DPPA3: variants seen among roughly 807,000 people sequenced by gnomAD.
DPPA3 encodes developmental pluripotency associated 3.
A neutral mutation model predicts 15.6 loss-of-function variants in DPPA3; 9 were observed. That is an observed-to-expected ratio of 0.58 (90% CI 0.35 to 1.01). DPPA3 has a LOEUF of 1.01. Among genes scored for constraint, DPPA3 ranks in the 50% least tolerant of loss-of-function variants. The pLI is 0.02. For synonymous variants in DPPA3, 61 were observed against 70.9 expected (o/e 0.86, Z 0.70); for missense variants, 148 against 194.6 (o/e 0.76, Z 1.42).
rs1374855599 is a variant in DPPA3 at position 7,711,658 on chromosome 12, C to A, written c.82+6C>A. On this transcript the variant is annotated splice_donor_region_variant and intron_variant, in intron 1 of 3. Coordinates refer to ENST00000345088, the MANE Select transcript of DPPA3 (RefSeq NM_199286.4). ...AAATTCCCGGGACGATTCAGGTAAGCCAGATAATGCCCTTCTTGACTATCT... is the reference window on the plus strand; with the variant it reads ...AAATTCCCGGGACGATTCAGGTAAGACAGATAATGCCCTTCTTGACTATCT... 1 of 1,599,470 alleles carries A rather than the reference C, an allele frequency of 6.3e-7. No individual in the cohort carries two copies. The highest frequency in any genetic ancestry group is 2.3e-5 in the East Asian group (1 of 43,762).
intron 3 of DPPA3, among the ~76,000 whole-genome samples, chr12:7,716,533 C>T (rs1264111321): frequency 2.0e-5 from 3 of 152,184 alleles, no homozygotes; most frequent in East Asian, 1.9e-4. Context: ...AGCTGATGAA[C>T]TTACCCTGAC....
Position 7,715,304 on chromosome 12 carries a change from A to C in DPPA3, c.204A>C (p.Ala68=). ...TACTCCGTCGAGAGTCTGTAGGAGC[A>C]GCAGTCCTCAGGGAAATCGAAGATG... ...EALLRRESVG[A]AVLREIEDEW... is the part of the protein sequence containing the mutation. Residue 68 remains alanine, a synonymous_variant, in exon 2 of 4, where the codon GCA becomes GCC. Transcript: ENST00000345088. 2 of 1,614,090 alleles carry C rather than the reference A, an allele frequency of 1.2e-6. No homozygotes were observed. Among genetic ancestry groups the C allele is most frequent in the Non-Finnish European group, 1.7e-6 (2 of 1,179,948 alleles).
intron 3 of DPPA3, among the ~76,000 whole-genome samples, chr12:7,716,633 G>A (rs1311566731): frequency 1.3e-5 from 2 of 152,044 alleles, no homozygotes; most frequent in South Asian, 2.1e-4. Flanking sequence ...ATATCTTCAC[G>A]GTAGCACTGT....
chr12:7,715,153 A>C, intron 1 of DPPA3, 30 bp from the exon 2 acceptor site: 4 of 1,612,464 alleles, frequency 2.5e-6, no homozygotes, highest in Non-Finnish European at 2.5e-6. Context: ...AGATCCCCTT[A>C]ATGTAATGGC....
intron 1 of DPPA3, among the ~76,000 whole-genome samples, chr12:7,713,843 A>G (rs1233857386): frequency 6.6e-6 from 1 of 152,214 alleles, no homozygotes; most frequent in Non-Finnish European, 1.5e-5. Flanking sequence ...GGATCTCTTA[A>G]GTGTAAGTGA....
At chr12:7,712,970 G>A (rs1864360855) in intron 1 of DPPA3, among the ~76,000 whole-genome samples, 1 of 152,210 alleles carries the variant, frequency 6.6e-6, no homozygotes, top group African/African-American at 2.4e-5. Context: ...CCGTAAACGT[G>A]CTCCGTAATG....
At position 7,715,290 on chromosome 12, in the gene DPPA3, G is replaced by C. The variant is rs201681638; in HGVS notation, c.190G>C (p.Glu64Gln). 34 of 1,613,792 alleles carry C rather than the reference G, an allele frequency of 2.1e-5. No homozygotes were observed. In the African/African-American group the frequency reaches 3.9e-4, roughly 18 times the overall value. ...TCTATCGGAAGCTTTACTCCGTCGA[G>C]AGTCTGTAGGAGCAGCAGTCCTCAG... ...SPLSEALLRR[E>Q]SVGAAVLREI... Residue 64 changes from glutamate to glutamine, a missense_variant, in exon 2 of 4, where the codon GAG becomes CAG. Coordinates refer to ENST00000345088, the MANE Select transcript of DPPA3 (RefSeq NM_199286.4).
At position 7,715,261 on chromosome 12, in the gene DPPA3, C is replaced by G. The variant is rs189470689; in HGVS notation, c.161C>G (p.Ser54Cys). The change falls in exon 2 of 4, where the codon TCC becomes TGC. Residue 54 changes from serine to cysteine, a missense_variant. Ser to Cys is a moderately radical substitution (Grantham distance 112, BLOSUM62 -1). Transcript: ENST00000345088. ...ATCAACGCTAGTAGCGAATCTGTTT[C>G]CCCTCTATCGGAAGCTTTACTCCGT... ...LTINASSESV[S>C]PLSEALLRRE... 6.2e-7 allele frequency: 1 copy of G among 1,613,878 alleles called. No individual in the cohort carries two copies. The highest frequency in any genetic ancestry group is 1.7e-5 in the Admixed American group (1 of 60,000).
At chr12:7,712,117 G>A (rs757155417) in intron 1 of DPPA3, among the ~76,000 whole-genome samples, 1 of 138,602 alleles carries the variant, frequency 7.2e-6, no homozygotes, top group African/African-American at 2.7e-5. Flanking sequence ...GGGTTTCACC[G>A]TGTTAGCCAG....
At chr12:7,712,324 G>T (rs1260369160) in intron 1 of DPPA3, among the ~76,000 whole-genome samples, 1 of 151,396 alleles carries the variant, frequency 6.6e-6, no homozygotes, top group Non-Finnish European at 1.5e-5. Context: ...ATACATGTCA[G>T]GAACGGTAAA....
Position 7,717,025 on chromosome 12 carries a change from C to G in DPPA3, c.428C>G (p.Pro143Arg). The change falls in exon 4 of 4, where the codon CCT becomes CGT. Residue 143 changes from proline (P) to arginine (R), a missense_variant. Pro to Arg is a moderately radical substitution (Grantham distance 103). Transcript: ENST00000345088. ...TTCTGCGTGTCTAATGGATGGGATC[C>G]TTCTGAGAATGCTAGAATAGGGAAT... ...CSFCVSNGWD[P>R]SENARIGNQD... 1 of 1,613,862 alleles carries G rather than the reference C, an allele frequency of 6.2e-7. No homozygotes were observed. Among genetic ancestry groups the G allele is most frequent in the African/African-American group, 1.3e-5 (1 of 74,972 alleles).
chr12:7,717,070 A>G lies in DPPA3; in HGVS notation c.473A>G (p.Gln158Arg), dbSNP rs143467337. ...RIGNQDTKPL[Q>R]P ...GGGAATCAAGACACCAAGCCACTTC[A>G]GCCATAAATCTTATTCTTGCACCTT... Residue 158 changes from glutamine (Q) to arginine (R), a missense_variant, in exon 4 of 4, where the codon CAG becomes CGG. Transcript: ENST00000345088. The G allele has an allele frequency of 1.1e-4, 173 of 1,611,314 alleles. 1 individual carries two copies. In the African/African-American group the frequency reaches 2.2e-3, roughly 20 times the overall value.
At chr12:7,716,279 T>TTC in intron 3 of DPPA3, 40 bp downstream of exon 3, 1 of 1,474,796 alleles carries the variant, frequency 6.8e-7, no homozygotes, top group Non-Finnish European at 9.1e-7. Flanking sequence ...CTTTTTTTTT[T>TTC]TTGGCTATAT....
At chr12:7,712,065 G>A (rs746936835) in intron 1 of DPPA3, among the ~76,000 whole-genome samples, 3 of 43,728 alleles carry the variant, frequency 6.9e-5, no homozygotes, top group Non-Finnish European at 9.9e-5. Context: ...ACAGGCGCCC[G>A]CCACCGCGCC....
chr12:7,716,099 T>C, intron 2 of DPPA3, 99 bp from the exon 3 acceptor site: 1 of 1,073,708 alleles, frequency 9.3e-7, no homozygotes, highest in Non-Finnish European at 1.4e-6. Flanking sequence ...AAAGACCCTG[T>C]CTCAACAAAT....
chr12:7,711,920 C>CTT lies in DPPA3; in HGVS notation c.82+280_82+281dup, dbSNP rs71038727. ...ACTTCAGATTTCTTTCTTTTTTTTT[C>CTT]TTTTTTTTTTTTTGAGACGGAGTCT... On this transcript the variant is annotated intron_variant, in intron 1 of 3. Transcript: ENST00000345088. Among the ~76,000 whole-genome samples, 505 of 127,986 alleles carry CTT rather than the reference C, an allele frequency of 3.9e-3. 4 individuals carry two copies. The highest frequency in any genetic ancestry group is 7.6e-3 in the African/African-American group (252 of 32,972). The allele number at this position is 127,986 out of a possible 152,430, so 84.0% of individuals were successfully genotyped here. A position where few individuals can be genotyped will look rare whatever the true frequency, so the allele number is the denominator to read the frequency against.
chr12:7,716,072 C>A, intron 2 of DPPA3, 126 bp from the exon 3 acceptor site: 1 of 822,210 alleles, frequency 1.2e-6, no homozygotes, highest in Non-Finnish European at 1.9e-6. Context: ...CACTGCAATC[C>A]AGCCTGGGCA....
Position 7,711,910 on chromosome 12 carries a change from CTTTT to C in DPPA3, c.82+264_82+267del, listed in dbSNP as rs144335160. ...GCTTAGGAGTACTTCAGATTTCTTT[CTTTT>C]TTTTTCTTTTTTTTTTTTTGAGACG... is the stretch of plus-strand genomic sequence containing the variant. On this transcript the variant is annotated intron_variant, in intron 1 of 3. Coordinates refer to ENST00000345088, the MANE Select transcript of DPPA3 (RefSeq NM_199286.4). 2.7e-3 allele frequency among the ~76,000 whole-genome samples: 350 copies of C among 127,396 alleles called. 2 individuals carry two copies. The highest frequency in any genetic ancestry group is 9.3e-3 in the African/African-American group (333 of 35,824). The allele number at this position is 127,396 out of a possible 152,430, so 83.6% of individuals were successfully genotyped here. A position where few individuals can be genotyped will look rare whatever the true frequency, so the allele number is the denominator to read the frequency against.
chr12:7,714,452 G>C (rs979120593), intron 1 of DPPA3, among the ~76,000 whole-genome samples: 1 of 152,100 alleles, frequency 6.6e-6, no homozygotes, highest in Admixed American at 6.5e-5. Context: ...GTTTAAACCC[G>C]TGTTGTTCAA....
Sources: allele counts gnomAD v4.1 joint callset (sites outside exome capture counted in the v4.1 genomes callset), GRCh38; gene constraint gnomAD v4.1.1; transcripts MANE v1.5; gene names NCBI Gene and HGNC (gene_info 2026-07-23, HGNC 2026-07-21).